Variants in LMAN1L observed in about 807,000 individuals in gnomAD.
LMAN1L encodes protein ERGIC-53-like.
LMAN1L carries 60 observed loss-of-function variants against 58.3 expected under a neutral mutation model. That is an observed-to-expected ratio of 1.03 (90% CI 0.84 to 1.27). LMAN1L has a LOEUF of 1.27. LMAN1L is among the 50% of genes most tolerant of loss of function. LMAN1L has a pLI of 0.00. For synonymous variants in LMAN1L, 280 were observed against 271.6 expected (o/e 1.03, Z -0.31); for missense variants, 629 against 674.0 (o/e 0.93, Z 0.74).
chr15:74,823,016 A>T (rs1027368390), intron 11 of LMAN1L, among the ~76,000 whole-genome samples: 2 of 152,208 alleles, frequency 1.3e-5, no homozygotes, highest in Non-Finnish European at 2.9e-5. Flanking sequence ...TCCTAGGATG[A>T]GGGGCATTTT....
At chr15:74,816,101 T>A in intron 1 of LMAN1L, 56 bp from the exon 2 acceptor site, 11 of 1,513,490 alleles carry the variant, frequency 7.3e-6, no homozygotes, top group Non-Finnish European at 8.9e-6. Context: ...AGTGAGAGAG[T>A]GAAGGGGGAG....
chr15:74,824,629 T>C, intron 13 of LMAN1L, 151 bp downstream of exon 13: 1 of 880,914 alleles, frequency 1.1e-6, no homozygotes, highest in Non-Finnish European at 1.8e-6. Flanking sequence ...ATAGGGCCCA[T>C]TCTCTCACCA....
chr15:74,814,799 G>T (rs530453996), intron 1 of LMAN1L, among the ~76,000 whole-genome samples: 1 of 152,152 alleles, frequency 6.6e-6, no homozygotes, highest in Non-Finnish European at 1.5e-5. Context: ...ATGAGCCACC[G>T]CGCCCAGCCC....
chr15:74,822,614 C>T (rs2063922122), intron 10 of LMAN1L, 28 bp from the exon 11 acceptor site: 1 of 1,596,450 alleles, frequency 6.3e-7, no homozygotes, highest in East Asian at 2.2e-5. Context: ...ATGTCCTGGG[C>T]CCTAGACAAG....
chr15:74,818,873 G>A lies in LMAN1L; in HGVS notation c.597+56G>A, dbSNP rs143758441. On this transcript the variant is annotated intron_variant, in intron 5 of 13. Transcript: ENST00000309664. ...TCTGAGTTACAGAGCTGCTATGTGT[G>A]CGTGCCCACGGCCCCAACACACCAG... The A allele has an allele frequency of 5.2e-4, 760 of 1,458,832 alleles. 5 individuals carry two copies. In the African/African-American group the frequency reaches 9.5e-3, roughly 18 times the overall value. 90.4% of individuals were successfully genotyped at this position (1,458,832 alleles called of 1,614,324 possible). A position where few individuals can be genotyped will look rare whatever the true frequency, so the allele number is the denominator to read the frequency against.
chr15:74,814,366 G>GTTTTTTT (rs781652776), intron 1 of LMAN1L, among the ~76,000 whole-genome samples: 1 of 71,358 alleles, frequency 1.4e-5, no homozygotes, highest in Non-Finnish European at 3.3e-5. Context: ...GCTAATTTTT[G>GTTTTTTT]TTTTTGTTTT....
At chr15:74,819,991 AG>A in intron 6 of LMAN1L, 52 bp from the exon 7 acceptor site, 1 of 1,535,478 alleles carries the variant, frequency 6.5e-7, no homozygotes, top group Non-Finnish European at 9.0e-7. Context: ...AGGCTGAGCG[AG>A]GGGGTTGCTG....
chr15:74,815,834 C>T (rs1197286986), intron 1 of LMAN1L, among the ~76,000 whole-genome samples: 2 of 152,226 alleles, frequency 1.3e-5, no homozygotes, highest in African/African-American at 4.8e-5. Context: ...GAGCTGAATT[C>T]CATCCAATCC....
At chr15:74,816,080 A>G in intron 1 of LMAN1L, 77 bp from the exon 2 acceptor site, 2 of 1,433,798 alleles carry the variant, frequency 1.4e-6, no homozygotes, top group Non-Finnish European at 1.9e-6. Flanking sequence ...CCGGGAGCCC[A>G]GCCCGGGCCA....
At chr15:74,824,265 C>A in intron 12 of LMAN1L, 86 bp from the exon 13 acceptor site, 1 of 1,318,772 alleles carries the variant, frequency 7.6e-7, no homozygotes, top group Non-Finnish European at 1.1e-6. Flanking sequence ...GGAAAGGAAA[C>A]GGAGCATGCA....
At chr15:74,819,944 C>T (rs2063908965) in intron 6 of LMAN1L, 100 bp from the exon 7 acceptor site, 2 of 1,141,938 alleles carry the variant, frequency 1.8e-6, no homozygotes, top group South Asian at 2.5e-5. Context: ...AAAGTCACCC[C>T]TCTTGCCTCG....
intron 10 of LMAN1L, 118 bp from the exon 11 acceptor site, chr15:74,822,522 AGG>A: frequency 1.4e-6 from 1 of 720,332 alleles, no homozygotes; most frequent in Non-Finnish European, 2.4e-6. Flanking sequence ...CCAAATAAGG[AGG>A]CCCTGGTAAT....
rs769431252 is a variant in LMAN1L, at chr15:74,816,276, G to A, written c.295G>A (p.Val99Met). ...SAWEVEVQMR[V>M]TGLGRRGAQG... Reference sequence around the variant, plus strand: ...CTGGGAAGTAGAGGTGCAGATGAGGGTGACGGGACTGGGGCGCCGGGGAGC... The same window carrying A: ...CTGGGAAGTAGAGGTGCAGATGAGGATGACGGGACTGGGGCGCCGGGGAGC... Residue 99 changes from valine (V) to methionine (M), a missense_variant, in exon 2 of 14, where the codon GTG becomes ATG. Val to Met is a conservative substitution (Grantham distance 21). This residue lies in a region of LMAN1L where 573 missense variants were observed against 597.3 expected (regional missense o/e 0.96). Transcript: ENST00000309664. 6.2e-7 allele frequency: 1 copy of A among 1,612,040 alleles called. No individual in the cohort carries two copies. Among genetic ancestry groups the A allele is most frequent in the South Asian group, 1.1e-5 (1 of 90,848 alleles).
At position 74,820,636 on chromosome 15, in the gene LMAN1L, T is replaced by C. The variant is rs1401076801; in HGVS notation, c.776T>C (p.Val259Ala). 1.9e-6 allele frequency: 3 copies of C among 1,613,744 alleles called. No individual in the cohort carries two copies. The highest frequency in any genetic ancestry group is 4.5e-5 in the East Asian group (2 of 44,880). The change falls in exon 8 of 14, where the codon GTT becomes GCT. Residue 259 changes from valine (V) to alanine (A), a missense_variant and splice_region_variant. Coordinates refer to ENST00000309664, the MANE Select transcript of LMAN1L (RefSeq NM_021819.3). ...TFSLSEPSPEVPPQPFLEMQQ... is the reference protein window; with the variant it reads ...TFSLSEPSPEAPPQPFLEMQQ... The stretch of plus-strand genomic sequence containing the variant: ...CGACTTTCTGTCTTCCTCCCCTAGG[T>C]TCCCCCTCAGCCCTTCCTGGAGATG...
In LMAN1L at chr15:74,821,246, T is replaced by C. The variant is rs1282860766; in HGVS notation, c.1059+20T>C. ...GGCTGGGTGAGAAGCCCTACAGGCATCCAAGGCTCCACCTGCGGGCCTGAA... is the reference window on the plus strand; with the variant it reads ...GGCTGGGTGAGAAGCCCTACAGGCACCCAAGGCTCCACCTGCGGGCCTGAA... On this transcript the variant is annotated intron_variant, in intron 9 of 13. Coordinates refer to ENST00000309664, the MANE Select transcript of LMAN1L (RefSeq NM_021819.3). 6.5e-7 allele frequency: 1 copy of C among 1,546,626 alleles called. No individual in the cohort carries two copies. Among genetic ancestry groups the C allele is most frequent in the South Asian group, 1.2e-5 (1 of 83,796 alleles).
intron 1 of LMAN1L, among the ~76,000 whole-genome samples, chr15:74,815,924 C>A (rs1414922863): frequency 6.6e-6 from 1 of 152,244 alleles, no homozygotes; most frequent in Admixed American, 6.5e-5. Flanking sequence ...GCACACACTG[C>A]GGTGAGGCTT....
At chr15:74,821,282 G>A in intron 9 of LMAN1L, 56 bp downstream of exon 9, 1 of 1,528,780 alleles carries the variant, frequency 6.5e-7, no homozygotes, top group Non-Finnish European at 8.8e-7. Context: ...AGAGGAGCAA[G>A]CACTGTAGTC....
At chr15:74,818,882 C>T (rs367647321) in intron 5 of LMAN1L, 65 bp downstream of exon 5, 94 of 1,398,058 alleles carry the variant, frequency 6.7e-5, no homozygotes, top group Non-Finnish European at 8.9e-5. Flanking sequence ...TGCGTGCCCA[C>T]GGCCCCAACA....
Position 74,816,175 on chromosome 15 carries a change from A to T in LMAN1L, c.194A>T (p.Glu65Val). The change falls in exon 2 of 14, where the codon GAG becomes GTG. Residue 65 changes from glutamate (E) to valine (V), a missense_variant. By Grantham distance (121) the Glu-to-Val change is moderately radical. Coordinates refer to ENST00000309664, the MANE Select transcript of LMAN1L (RefSeq NM_021819.3). ...SHHGDAILGL[E>V]EVRLTPSMRN... ...TCCACAGACGCCATCCTGGGCCTGG[A>T]GGAAGTGCGGCTGACGCCATCCATG... 6.4e-7 allele frequency: 1 copy of T among 1,551,924 alleles called. No homozygotes were observed. The highest frequency in any genetic ancestry group is 8.7e-7 in the Non-Finnish European group (1 of 1,148,396).
Sources: allele counts gnomAD v4.1 joint callset (sites outside exome capture counted in the v4.1 genomes callset), GRCh38; gene constraint gnomAD v4.1.1; regional missense constraint gnomAD v4.1.1; transcripts MANE v1.5; gene names NCBI Gene and HGNC (gene_info 2026-07-23, HGNC 2026-07-21).